CDH18: variants seen among roughly 807,000 people sequenced by gnomAD.
CDH18 encodes cadherin 18.
A neutral mutation model predicts 67.9 loss-of-function variants in CDH18; 31 were observed. The observed-to-expected ratio is 0.46, with a 90% confidence interval of 0.34 to 0.62. The LOEUF is 0.62. Ranked by LOEUF, CDH18 falls within the 20% of genes least tolerant of loss-of-function variation. The probability of loss-of-function intolerance (pLI) is 0.01; values close to 1 mark genes in which losing one functional copy is unlikely to be tolerated. For missense variants in CDH18, 890 were observed against 975.5 expected (o/e 0.91, Z 1.17); for synonymous variants, 362 against 347.2 (o/e 1.04, Z -0.48).
intron 2 of CDH18, among the ~76,000 whole-genome samples, chr5:20,047,364 T>A (rs1263636648): frequency 1.3e-5 from 2 of 151,900 alleles, no homozygotes; most frequent in Admixed American, 6.6e-5. Flanking sequence ...AGATAATACA[T>A]GCGAAATCAT....
intron 1 of CDH18, among the ~76,000 whole-genome samples, chr5:20,500,994 G>A (rs1347273952): frequency 6.6e-6 from 1 of 152,080 alleles, no homozygotes; most frequent in Non-Finnish European, 1.5e-5. Context: ...GAACTCAACT[G>A]ACCTTGGACT....
At chr5:19,938,897 T>C (rs956150689) in intron 2 of CDH18, among the ~76,000 whole-genome samples, 1 of 151,346 alleles carries the variant, frequency 6.6e-6, no homozygotes, top group African/African-American at 2.4e-5. Flanking sequence ...AATAAGTTTA[T>C]AGACAAAGAA....
intron 3 of CDH18, among the ~76,000 whole-genome samples, chr5:19,832,308 A>G (rs1781134190): frequency 6.6e-6 from 1 of 152,178 alleles, no homozygotes; most frequent in East Asian, 1.9e-4. Flanking sequence ...AACGTAAAAT[A>G]TAACTATAGA....
chr5:19,561,417 C>T (rs1739427889), intron 8 of CDH18, among the ~76,000 whole-genome samples: 1 of 152,022 alleles, frequency 6.6e-6, no homozygotes, highest in Admixed American at 6.6e-5. Flanking sequence ...AATGGAAAAC[C>T]AAACATTGTA....
chr5:20,255,250 T>C (rs1422803311), intron 2 of CDH18, among the ~76,000 whole-genome samples: 3 of 152,042 alleles, frequency 2.0e-5, no homozygotes, highest in Non-Finnish European at 2.9e-5. Flanking sequence ...AAAAGTTGAG[T>C]TTCTTAAAGA....
chr5:20,279,725 A>AAAAAAAAAC lies in CDH18; in HGVS notation c.-579-24221_-579-24220insGTTTTTTTT, dbSNP rs59764100. The stretch of plus-strand genomic sequence containing the variant: ...AAAAAAAAAAAAAAAAAAAAAAAAA[A>AAAAAAAAAC]AAAGCAAAAACTGTAAGAGCGAGAT... On this transcript the variant is annotated intron_variant, in intron 1 of 14. Coordinates refer to the CDH18 transcript ENST00000507958. Among the ~76,000 whole-genome samples the AAAAAAAAAC allele has an allele frequency of 5.0e-3, 650 of 128,794 alleles. 39 individuals carry two copies. The highest frequency in any genetic ancestry group is 8.9e-3 in the African/African-American group (261 of 29,338). The allele number at this position is 128,794 out of a possible 152,430, so 84.5% of individuals were successfully genotyped here. A position where few individuals can be genotyped will look rare whatever the true frequency, so the allele number is the denominator to read the frequency against.
At chr5:19,634,175 G>A (rs1289278622) in intron 5 of CDH18, among the ~76,000 whole-genome samples, 1 of 152,170 alleles carries the variant, frequency 6.6e-6, no homozygotes, top group Non-Finnish European at 1.5e-5. Flanking sequence ...AGCTATGTTT[G>A]CAGAATTGTT....
intron 8 of CDH18, among the ~76,000 whole-genome samples, chr5:19,567,202 T>C (rs1740561381): frequency 6.6e-6 from 1 of 152,188 alleles, no homozygotes; most frequent in South Asian, 2.1e-4. Flanking sequence ...AATAATTTAT[T>C]TTACATTTTA....
At chr5:20,332,914 A>T (rs1009280503) in intron 1 of CDH18, among the ~76,000 whole-genome samples, 1 of 152,152 alleles carries the variant, frequency 6.6e-6, no homozygotes, top group African/African-American at 2.4e-5. Flanking sequence ...GTAGACTGGG[A>T]TATTTTAAAC....
At chr5:20,358,932 C>CTTTTTTTT (rs66786530) in intron 1 of CDH18, among the ~76,000 whole-genome samples, 1 of 128,180 alleles carries the variant, frequency 7.8e-6, no homozygotes, top group Non-Finnish European at 1.6e-5. Flanking sequence ...TTTTTTCTTT[C>CTTTTTTTT]TTTTTTTTTT....
intron 4 of CDH18, among the ~76,000 whole-genome samples, chr5:19,746,524 A>T (rs1291671937): frequency 1.3e-5 from 2 of 152,194 alleles, no homozygotes; most frequent in Non-Finnish European, 2.9e-5. Flanking sequence ...CATACACTGA[A>T]AGCTTAAAAG....
chr5:19,656,672 T>TTGCAAACTG (rs1756454370), intron 5 of CDH18, among the ~76,000 whole-genome samples: 1 of 151,622 alleles, frequency 6.6e-6, no homozygotes, highest in African/African-American at 2.4e-5. Context: ...ACTGATGACA[T>TTGCAAACTG]ATTGTAAAAA....
At chr5:20,179,350 T>C (rs1395835923) in intron 2 of CDH18, among the ~76,000 whole-genome samples, 2 of 152,154 alleles carry the variant, frequency 1.3e-5, no homozygotes, top group Non-Finnish European at 2.9e-5. Flanking sequence ...GAATACATTA[T>C]GTCAAAACCA....
chr5:20,048,944 C>A (rs936592309), intron 2 of CDH18, among the ~76,000 whole-genome samples: 1 of 151,580 alleles, frequency 6.6e-6, no homozygotes, highest in Non-Finnish European at 1.5e-5. Context: ...TCCTGCAAAT[C>A]TGCATTTTTC....
intron 2 of CDH18, among the ~76,000 whole-genome samples, chr5:20,165,270 GTATA>G (rs1251023230): frequency 6.6e-6 from 1 of 151,888 alleles, no homozygotes; most frequent in Non-Finnish European, 1.5e-5. Context: ...TTATTGTATA[GTATA>G]TATGTTGATT....
intron 2 of CDH18, among the ~76,000 whole-genome samples, chr5:20,047,568 A>G (rs187241690): frequency 3.6e-4 from 54 of 151,952 alleles, no homozygotes; most frequent in Non-Finnish European, 7.1e-4. Context: ...TCTATTTAAA[A>G]TAGAACTATA....
intron 1 of CDH18, among the ~76,000 whole-genome samples, chr5:20,452,416 A>C: frequency 6.6e-6 from 1 of 152,164 alleles, no homozygotes; most frequent in East Asian, 1.9e-4. Flanking sequence ...ACCATGGAAT[A>C]CTATGTAGCT....
chr5:20,396,408 C>CA (rs4002087), intron 1 of CDH18, among the ~76,000 whole-genome samples: 22,416 of 148,384 alleles, frequency 0.15, 2,013 homozygotes, highest in East Asian at 0.25. Flanking sequence ...GTTTATAAAG[C>CA]AAAAAAAAAA....
intron 12 of CDH18, among the ~76,000 whole-genome samples, chr5:19,480,321 C>T (rs1028107676): frequency 6.6e-6 from 1 of 151,684 alleles, no homozygotes; most frequent in Non-Finnish European, 1.5e-5. Flanking sequence ...AAGAAAACAG[C>T]AGTTCTGACC....
Sources: gnomAD v4.1 joint callset for allele counts (sites outside exome capture counted in the v4.1 genomes callset) on GRCh38, gnomAD v4.1.1 for gene constraint, MANE v1.5 for transcripts, NCBI Gene and HGNC (gene_info 2026-07-23, HGNC 2026-07-21) for gene names.